The following UPF2 variants were observed in gnomAD, a reference collection of about 807,000 sequenced individuals.
The protein encoded by UPF2 is regulator of nonsense transcripts 2.
A neutral mutation model predicts 141.4 loss-of-function variants in UPF2; 17 were observed. The ratio of observed to expected loss-of-function variants is 0.12; its 90% CI spans 0.08 to 0.18. The LOEUF (loss-of-function observed/expected upper bound fraction) is 0.18, where lower values mean the gene tolerates loss of function less well. Ranked by LOEUF, UPF2 falls within the 10% of genes least tolerant of loss-of-function variation. The pLI is 1.00. For missense variants in UPF2, 1,152 were observed against 1,515.9 expected, an observed-to-expected ratio of 0.76 and a Z score of 3.99; for synonymous variants, 540 against 498.0, an observed-to-expected ratio of 1.08 and a Z score of -1.12.
rs1833801724 is a variant in UPF2 at position 11,992,836 on chromosome 10, T to C, written c.1844+4836A>G. Among the ~76,000 whole-genome samples, 1 of 152,088 alleles carries C rather than the reference T, an allele frequency of 6.6e-6. No homozygotes were observed. The highest frequency in any genetic ancestry group is 2.4e-5 in the African/African-American group (1 of 41,408). On this transcript the variant is annotated intron_variant, in intron 8 of 21. Coordinates refer to ENST00000357604, the MANE Select transcript of UPF2 (RefSeq NM_015542.4). This position sits in a 1 kb window ranked among gnomAD's most constrained non-coding sequence, Gnocchi z 4.1. ...AGGTATACCAAATAAAAGGCACATG[T>C]ATACCAAACGCAAATAAAAAGAAAG...
intron 2 of UPF2, among the ~76,000 whole-genome samples, chr10:12,034,817 T>C (rs544330159): frequency 8.5e-5 from 13 of 152,112 alleles, no homozygotes; most frequent in African/African-American, 3.1e-4. Flanking sequence ...AATAAATAAA[T>C]AAAAGATTAC....
intron 12 of UPF2, among the ~76,000 whole-genome samples, chr10:11,958,364 C>G (rs1833187963): frequency 6.6e-6 from 1 of 152,178 alleles, no homozygotes; most frequent in Non-Finnish European, 1.5e-5. Context: ...TTATTATCAT[C>G]CACAATTCAT....
intron 4 of UPF2, among the ~76,000 whole-genome samples, chr10:12,008,818 TTTG>T (rs1834081474): frequency 6.6e-6 from 1 of 151,996 alleles, no homozygotes; most frequent in South Asian, 2.1e-4. Context: ...GCATTAGGTA[TTTG>T]TCCTAATGCT....
chr10:11,936,813 C>T lies in UPF2; in HGVS notation c.3379-101G>A. 3.5e-6 allele frequency: 4 copies of T among 1,155,136 alleles called. No individual in the cohort carries two copies. The highest frequency in any genetic ancestry group is 4.7e-6 in the Non-Finnish European group (4 of 853,944). 71.6% of individuals were successfully genotyped at this position (1,155,136 alleles called of 1,614,324 possible). A position where few individuals can be genotyped will look rare whatever the true frequency, so the allele number is the denominator to read the frequency against. On this transcript the variant is annotated intron_variant, in intron 18 of 21. Transcript: ENST00000357604. The surrounding 1 kb of genome is among the most constrained non-coding windows in gnomAD (Gnocchi z 6.6). ...ATTCAATGCTGTATTTCTTAAAACA[C>T]AACAATCATAAGAGCCATAACAGTC... is the stretch of plus-strand genomic sequence containing the variant.
intron 9 of UPF2, among the ~76,000 whole-genome samples, chr10:11,972,184 T>A (rs1307817295): frequency 6.6e-6 from 1 of 152,152 alleles, no homozygotes; most frequent in African/African-American, 2.4e-5. Flanking sequence ...CCCTCTGTTC[T>A]AGTCAAGCTG....
Position 12,035,126 on chromosome 10 carries a change from C to T in UPF2, c.298G>A (p.Glu100Lys), listed in dbSNP as rs1834599469. The change falls in exon 2 of 22, where the codon GAA becomes AAA. Residue 100 changes from glutamate to lysine, a missense_variant. Physicochemically the swap from Glu to Lys is moderately conservative, Grantham distance 56. This residue lies in a region of UPF2 where 145 missense variants were observed against 136.5 expected (regional missense o/e 1.06). Coordinates refer to ENST00000357604, the MANE Select transcript of UPF2 (RefSeq NM_015542.4). ...TGCTCTTCTTGCTTCTTTCTCTCTT[C>T]CTCTTGATGTTTCTTTTTTTCTTCC... Reference protein sequence around the residue: ...EEEEKKKHQEEERKKQEEQAK... With the variant: ...EEEEKKKHQEKERKKQEEQAK... The T allele has an allele frequency of 2.5e-6, 4 of 1,595,832 alleles. No individual in the cohort carries two copies. The highest frequency in any genetic ancestry group is 3.4e-6 in the Non-Finnish European group (4 of 1,176,044).
In UPF2 at chr10:11,956,361, C is replaced by T; in HGVS notation, c.2533G>A (p.Val845Ile). 3.1e-6 allele frequency: 5 copies of T among 1,614,144 alleles called. No individual in the cohort carries two copies. The highest frequency in any genetic ancestry group is 4.2e-6 in the Non-Finnish European group (5 of 1,180,010). ...ATATCTTCTAACACTCCATCCACAA[C>T]GTGGATCCCAACATCCTCTTGGTAG... ...VLYQEDVGIHVVDGVLEDIRL... is the reference protein window; with the variant it reads ...VLYQEDVGIHIVDGVLEDIRL... The change falls in exon 13 of 22, where the codon GTT (valine) becomes ATT (isoleucine). Residue 845 changes from valine to isoleucine, a missense_variant. Around this residue, in one of 4 missense-constraint regions of UPF2, gnomAD observed 739 missense variants for 1,032.2 expected, o/e 0.72. Coordinates refer to ENST00000357604, the MANE Select transcript of UPF2 (RefSeq NM_015542.4). This position sits in a 1 kb window ranked among gnomAD's most constrained non-coding sequence, Gnocchi z 4.2.
rs377264338 is a variant in UPF2 at position 11,979,208 on chromosome 10, C to T, written c.1845-43G>A. On this transcript the variant is annotated intron_variant, in intron 8 of 21. Coordinates refer to ENST00000357604, the MANE Select transcript of UPF2 (RefSeq NM_015542.4). This position sits in a 1 kb window ranked among gnomAD's most constrained non-coding sequence, Gnocchi z 6.2. ...GATATGTGTCAAAGGAAAGACATAT[C>T]AAAAATAATTCATTTTAAAATTTAA... The T allele has an allele frequency of 1.3e-5, 18 of 1,434,272 alleles. No individual in the cohort carries two copies. In the African/African-American group the frequency reaches 2.1e-4, roughly 17 times the overall value. 88.8% of individuals were successfully genotyped at this position (1,434,272 alleles called of 1,614,324 possible).
chr10:11,945,810 G>A (rs1339049466), intron 16 of UPF2, among the ~76,000 whole-genome samples: 1 of 152,118 alleles, frequency 6.6e-6, no homozygotes, highest in Non-Finnish European at 1.5e-5. Flanking sequence ...TACTGCTCAT[G>A]TAATTAGTAC....
At chr10:12,037,195 C>G (rs1564375743) in intron 1 of UPF2, among the ~76,000 whole-genome samples, 4 of 152,084 alleles carry the variant, frequency 2.6e-5, no homozygotes, top group Non-Finnish European at 4.4e-5. Context: ...AGTGACCCAC[C>G]TGCCTCAGCC....
chr10:11,979,882 G>A lies in UPF2; in HGVS notation c.1845-717C>T, dbSNP rs1341205748. On this transcript the variant is annotated intron_variant, in intron 8 of 21. Transcript: ENST00000357604. This position sits in a 1 kb window ranked among gnomAD's most constrained non-coding sequence, Gnocchi z 6.2. ...ATCACGCCACTGCACTCCAGCCTGGGTGACAAAGCAAGACTCCATCAAACG... is the reference window on the plus strand; with the variant it reads ...ATCACGCCACTGCACTCCAGCCTGGATGACAAAGCAAGACTCCATCAAACG... Among the ~76,000 whole-genome samples, 1 of 152,178 alleles carries A rather than the reference G, an allele frequency of 6.6e-6. No individual in the cohort carries two copies. Among genetic ancestry groups the A allele is most frequent in the African/African-American group, 2.4e-5 (1 of 41,444 alleles).
rs1564331269 is a variant in UPF2, at chr10:11,920,995, G to GTAAC, written c.*299_*302dup. ...TCATCTCCTTCACGCTCTCCTTGGTGTAACTGCTCAGTAGTCAAGTGAACC... is the reference window on the plus strand; with the variant it reads ...TCATCTCCTTCACGCTCTCCTTGGTGTAACTAACTGCTCAGTAGTCAAGTGAACC... On this transcript the variant is annotated 3_prime_UTR_variant, in exon 22 of 22. Coordinates refer to ENST00000357604, the MANE Select transcript of UPF2 (RefSeq NM_015542.4). 1 of 633,930 alleles carries GTAAC rather than the reference G, an allele frequency of 1.6e-6. No homozygotes were observed. The allele number at this position is 633,930 out of a possible 1,614,324, so 39.3% of individuals were successfully genotyped here.
intron 9 of UPF2, among the ~76,000 whole-genome samples, chr10:11,971,776 T>C (rs865856493): frequency 1.3e-5 from 2 of 152,078 alleles, no homozygotes; most frequent in South Asian, 4.1e-4. Flanking sequence ...TAATTAAAAC[T>C]CTTCAGGCCG....
chr10:12,029,332 T>C lies in UPF2; in HGVS notation c.558A>G (p.Arg186=). Residue 186 remains arginine, a synonymous_variant, in exon 3 of 22, where the codon AGA becomes AGG. Transcript: ENST00000357604. The stretch of plus-strand genomic sequence containing the variant: ...CATTAAAATCATGGGACAAGGAGTC[T>C]CTCTGTTGTTCTGTAATAGTTTTTA... The part of the protein sequence containing the change: ...KKLKTITEQQ[R]DSLSHDFNGL... 1 of 1,614,174 alleles carries C rather than the reference T, an allele frequency of 6.2e-7. No homozygotes were observed. The highest frequency in any genetic ancestry group is 8.5e-7 in the Non-Finnish European group (1 of 1,180,020).
chr10:11,949,115 A>G (rs1042866246), intron 15 of UPF2, among the ~76,000 whole-genome samples: 26 of 152,014 alleles, frequency 1.7e-4, no homozygotes, highest in African/African-American at 5.6e-4. Context: ...ATTTGCTTTC[A>G]CCTCCTGTGT....
rs1832634065 is a variant in UPF2 at position 11,920,977 on chromosome 10, C to T, written c.*321G>A. ...GTTTCTTCTCTGGCTCAATCATCTC[C>T]TTCACGCTCTCCTTGGTGTAACTGC... On this transcript the variant is annotated 3_prime_UTR_variant, in exon 22 of 22. Coordinates refer to ENST00000357604, the MANE Select transcript of UPF2 (RefSeq NM_015542.4). 1.7e-6 allele frequency: 1 copy of T among 601,394 alleles called. No homozygotes were observed. The highest frequency in any genetic ancestry group is 3.3e-6 in the Non-Finnish European group (1 of 304,936). 37.3% of individuals were successfully genotyped at this position (601,394 alleles called of 1,614,324 possible).
chr10:11,949,214 C>G (rs138217604), intron 15 of UPF2, among the ~76,000 whole-genome samples: 179 of 152,272 alleles, frequency 1.2e-3, no homozygotes, highest in African/African-American at 3.8e-3. Context: ...ACAATGTGGT[C>G]TCATCTGATC....
chr10:11,999,532 AAC>A (rs1354422011), intron 7 of UPF2, among the ~76,000 whole-genome samples: 5,071 of 115,550 alleles, frequency 0.044, 128 homozygotes, highest in Non-Finnish European at 0.07. Flanking sequence ...AAAAAAAAAA[AAC>A]ACACACAAGA....
intron 4 of UPF2, among the ~76,000 whole-genome samples, chr10:12,013,244 A>G (rs1293339643): frequency 1.3e-5 from 2 of 151,914 alleles, no homozygotes; most frequent in East Asian, 1.9e-4. Flanking sequence ...CTTTAATTAT[A>G]GAAGGATATT....
Sources: gnomAD v4.1 joint callset for allele counts (sites outside exome capture counted in the v4.1 genomes callset) on GRCh38, gnomAD v4.1.1 for gene constraint, gnomAD v4.1.1 regional missense constraint, Gnocchi (gnomAD v3.1) non-coding constraint, MANE v1.5 for transcripts, NCBI Gene and HGNC (gene_info 2026-07-23, HGNC 2026-07-21) for gene names.